The following PATJ variants were observed in gnomAD, a reference collection of about 807,000 sequenced individuals.
The protein encoded by PATJ is PATJ crumbs cell polarity complex component.
In PATJ, 190 loss-of-function variants were observed where a neutral mutation model predicts 224.9. The ratio of observed to expected loss-of-function variants is 0.84; its 90% CI spans 0.75 to 0.95. The LOEUF is 0.95. Ranked by LOEUF, PATJ falls within the 40% of genes least tolerant of loss-of-function variation. The pLI, the probability that PATJ is intolerant of heterozygous loss-of-function variation, is 0.00. For missense variants in PATJ, 2,121 were observed against 2,270.3 expected (o/e 0.93, Z 1.34); for synonymous variants, 769 against 820.3 (o/e 0.94, Z 1.07).
At chr1:62,118,488 G>A (rs924016948) in intron 37 of PATJ, among the ~76,000 whole-genome samples, 1 of 152,130 alleles carries the variant, frequency 6.6e-6, no homozygotes, top group Non-Finnish European at 1.5e-5. Context: ...CTCAGACAGG[G>A]AAAATAGCAT....
chr1:61,925,357 A>G (rs1390497256), intron 26 of PATJ, among the ~76,000 whole-genome samples: 5 of 152,192 alleles, frequency 3.3e-5, no homozygotes, highest in African/African-American at 1.2e-4. Context: ...GCAGCATAAT[A>G]TAGATTCTCA....
At chr1:61,831,204 A>C (rs1029346605) in intron 16 of PATJ, among the ~76,000 whole-genome samples, 1 of 151,618 alleles carries the variant, frequency 6.6e-6, no homozygotes, top group African/African-American at 2.4e-5. Context: ...AAAAAAAAAA[A>C]AGTAAAACCT....
chr1:61,822,235 C>T (rs142427545), intron 14 of PATJ, among the ~76,000 whole-genome samples: 1 of 152,150 alleles, frequency 6.6e-6, no homozygotes, highest in African/African-American at 2.4e-5. Context: ...GAATTCTCAA[C>T]ATAGCGAAAC....
At chr1:61,832,245 A>G (rs1659470053) in intron 16 of PATJ, among the ~76,000 whole-genome samples, 1 of 152,198 alleles carries the variant, frequency 6.6e-6, no homozygotes, top group African/African-American at 2.4e-5. Context: ...TATGTGGGTG[A>G]CAAAATCTGT....
intron 25 of PATJ, among the ~76,000 whole-genome samples, chr1:61,912,331 C>T (rs542067106): frequency 1.3e-5 from 2 of 152,196 alleles, no homozygotes; most frequent in East Asian, 1.9e-4. Flanking sequence ...CAGTGGCTCA[C>T]GCCTGTAATC....
chr1:62,085,965 C>T (rs1659919807), intron 33 of PATJ, among the ~76,000 whole-genome samples: 1 of 150,846 alleles, frequency 6.6e-6, no homozygotes, highest in Admixed American at 6.6e-5. Context: ...GGATGATTGA[C>T]TTTTTATTGT....
intron 16 of PATJ, among the ~76,000 whole-genome samples, chr1:61,831,548 A>G (rs1659320801): frequency 2.0e-5 from 3 of 152,362 alleles, no homozygotes; most frequent in African/African-American, 2.4e-5. Flanking sequence ...TCAAAAGAAG[A>G]CATATACGTG....
intron 17 of PATJ, among the ~76,000 whole-genome samples, chr1:61,843,165 T>C (rs1047472245): frequency 6.6e-6 from 1 of 152,156 alleles, no homozygotes; most frequent in Non-Finnish European, 1.5e-5. Flanking sequence ...ACTGGCTGAT[T>C]TTTACACACC....
chr1:62,056,837 G>GT (rs772488554), intron 31 of PATJ, among the ~76,000 whole-genome samples: 1 of 151,848 alleles, frequency 6.6e-6, no homozygotes, highest in African/African-American at 2.4e-5. Flanking sequence ...ACTACACTTT[G>GT]TTTTTTTTAA....
chr1:61,916,456 T>C (rs1214224090), intron 26 of PATJ, among the ~76,000 whole-genome samples: 1 of 152,216 alleles, frequency 6.6e-6, no homozygotes, highest in Non-Finnish European at 1.5e-5. Context: ...AATCTTTCTT[T>C]CTCTCATTTT....
chr1:62,147,301 A>G (rs1668132794), intron 41 of PATJ, among the ~76,000 whole-genome samples: 1 of 60,928 alleles, frequency 1.6e-5, no homozygotes, highest in African/African-American at 1.3e-4. Context: ...AGGAATGGCC[A>G]GAAGTGTGGA....
chr1:61,802,662 TTTA>T (rs1384725303), intron 12 of PATJ, among the ~76,000 whole-genome samples: 1 of 152,190 alleles, frequency 6.6e-6, no homozygotes, highest in African/African-American at 2.4e-5. Context: ...ATACATGTTT[TTTA>T]TTATAAAAAT....
intron 16 of PATJ, among the ~76,000 whole-genome samples, chr1:61,831,868 A>T (rs1007116501): frequency 9.2e-5 from 14 of 152,182 alleles, no homozygotes; most frequent in Admixed American, 2.6e-4. Context: ...TGCCATAAAG[A>T]TGCATGTGTA....
chr1:62,149,128 CAAAAAA>C, intron 42 of PATJ, among the ~76,000 whole-genome samples: 1 of 60,422 alleles, frequency 1.7e-5, no homozygotes, highest in African/African-American at 5.7e-5. Flanking sequence ...AACTCCATCT[CAAAAAA>C]AAAAAAAAAA....
intron 28 of PATJ, among the ~76,000 whole-genome samples, chr1:62,014,781 G>C (rs1646672575): frequency 6.6e-6 from 1 of 151,882 alleles, no homozygotes; most frequent in Admixed American, 6.6e-5. Context: ...TGCCCAGGCT[G>C]ATCTTGAACT....
Position 62,163,653 on chromosome 1 carries a change from A to C in PATJ, c.*2599A>C, listed in dbSNP as rs1056207542. 1 of 152,568 alleles carries C rather than the reference A, an allele frequency of 6.6e-6. No homozygotes were observed. Among genetic ancestry groups the C allele is most frequent in the African/African-American group, 2.4e-5 (1 of 41,448 alleles). 9.5% of individuals were successfully genotyped at this position (152,568 alleles called of 1,614,324 possible). On this transcript the variant is annotated 3_prime_UTR_variant, in exon 44 of 44. Coordinates refer to ENST00000642238, the MANE Select transcript of PATJ (RefSeq NM_001350145.3). ...CATAATCGGTTCTGTCTCCGCTCACATGACTAATACGTAATTGCCTTTCCA... is the reference window on the plus strand; with the variant it reads ...CATAATCGGTTCTGTCTCCGCTCACCTGACTAATACGTAATTGCCTTTCCA...
chr1:62,033,782 CT>C (rs1175535029), intron 29 of PATJ, among the ~76,000 whole-genome samples: 1 of 152,160 alleles, frequency 6.6e-6, no homozygotes, highest in Admixed American at 6.5e-5. Flanking sequence ...ATTCTGGTTT[CT>C]TTTTTCTGCC....
chr1:61,904,350 C>T (rs147702880), intron 24 of PATJ, among the ~76,000 whole-genome samples: 2 of 152,136 alleles, frequency 1.3e-5, no homozygotes, highest in Admixed American at 6.6e-5. Flanking sequence ...ACCTTTCACT[C>T]GGTCACCTCC....
intron 18 of PATJ, 35 bp from the exon 19 acceptor site, chr1:61,861,516 T>C: frequency 3.0e-6 from 3 of 991,418 alleles, no homozygotes; most frequent in Non-Finnish European, 4.6e-6. Flanking sequence ...CACAATATTT[T>C]CTTATTTATA....
Sources: allele counts gnomAD v4.1 joint callset (sites outside exome capture counted in the v4.1 genomes callset), GRCh38; gene constraint gnomAD v4.1.1; transcripts MANE v1.5; gene names NCBI Gene and HGNC (gene_info 2026-07-23, HGNC 2026-07-21).